The following SAXO1 variants were observed in gnomAD, a reference collection of about 807,000 sequenced individuals.
The protein encoded by SAXO1 is 4930500O09Rik.
In SAXO1, 21 loss-of-function variants were observed where a neutral mutation model predicts 17.5. The ratio of observed to expected loss-of-function variants is 1.20; its 90% CI spans 0.85 to 1.72. SAXO1 has a LOEUF of 1.72. SAXO1 is among the 40% of genes most tolerant of loss of function. The probability of loss-of-function intolerance (pLI) is 0.00; values close to 1 mark genes in which losing one functional copy is unlikely to be tolerated. For synonymous variants in SAXO1, 274 were observed against 216.5 expected (o/e 1.27, Z -2.33); for missense variants, 843 against 596.0 (o/e 1.41, Z -4.32).
chr9:18,931,811 T>C (rs1221984366), intron 3 of SAXO1, among the ~76,000 whole-genome samples: 1 of 152,244 alleles, frequency 6.6e-6, no homozygotes, highest in African/African-American at 2.4e-5. Context: ...CCGCTCTTCA[T>C]GTGCTTTCAT....
intron 1 of SAXO1, among the ~76,000 whole-genome samples, chr9:18,976,533 G>A (rs994160569): frequency 1.3e-5 from 2 of 152,192 alleles, no homozygotes; most frequent in African/African-American, 4.8e-5. Flanking sequence ...GATGCTGACT[G>A]TTTTTGAAAT....
intron 1 of SAXO1, among the ~76,000 whole-genome samples, chr9:18,984,706 GCTAAAACTTTCTCCATATCA>G (rs1288492461): frequency 1.4e-4 from 21 of 152,326 alleles, no homozygotes; most frequent in African/African-American, 4.6e-4. Context: ...TGTTGTGGCT[GCTAAAACTTTCTCCATATCA>G]CTAAAACTTT....
chr9:18,993,816 A>G (rs894824839), intron 1 of SAXO1, among the ~76,000 whole-genome samples: 6 of 152,170 alleles, frequency 3.9e-5, no homozygotes, highest in East Asian at 1.9e-4. Context: ...TATGCCATCA[A>G]TATCATCCCC....
chr9:19,006,196 GT>G (rs1588517599), intron 1 of SAXO1, among the ~76,000 whole-genome samples: 1 of 152,212 alleles, frequency 6.6e-6, no homozygotes, highest in East Asian at 1.9e-4. Flanking sequence ...CGTAGTCTCT[GT>G]GCAAAACAGT....
At chr9:19,043,596 G>A (rs752499068) in intron 1 of SAXO1, among the ~76,000 whole-genome samples, 1 of 151,946 alleles carries the variant, frequency 6.6e-6, no homozygotes, top group African/African-American at 2.4e-5. Context: ...GTGGGATCCT[G>A]TCTCTACAAA....
intron 1 of SAXO1, among the ~76,000 whole-genome samples, chr9:18,972,026 C>A (rs1259150903): frequency 1.3e-5 from 2 of 152,094 alleles, no homozygotes; most frequent in Non-Finnish European, 2.9e-5. Context: ...AAAAATTGTA[C>A]TTTTGGTTTA....
chr9:18,961,489 G>GC (rs1375076724), intron 1 of SAXO1, among the ~76,000 whole-genome samples: 6 of 148,238 alleles, frequency 4.0e-5, no homozygotes, highest in African/African-American at 1.5e-4. Context: ...CCCTCCCCTT[G>GC]CCCCCACCCC....
At chr9:18,932,869 T>C (rs986953374) in intron 3 of SAXO1, among the ~76,000 whole-genome samples, 1 of 152,074 alleles carries the variant, frequency 6.6e-6, no homozygotes, top group African/African-American at 2.4e-5. Flanking sequence ...TTTTTATATA[T>C]TGTTCAGTAC....
At chr9:18,975,252 TGCAGGCTGGGGAAGG>T (rs1833099674) in intron 1 of SAXO1, among the ~76,000 whole-genome samples, 4 of 150,090 alleles carry the variant, frequency 2.7e-5, no homozygotes, top group Non-Finnish European at 4.4e-5. Context: ...GCAGGGAGAG[TGCAGGCTGGGGAAGG>T]ATAAATGGTT....
chr9:18,951,072 T>C, intron 1 of SAXO1, 135 bp from the exon 2 acceptor site: 1 of 920,514 alleles, frequency 1.1e-6, no homozygotes, highest in Admixed American at 2.7e-5. Flanking sequence ...AATTCAACGG[T>C]TACTTTTTTC....
intron 1 of SAXO1, among the ~76,000 whole-genome samples, chr9:19,045,241 C>T (rs1176125128): frequency 4.5e-5 from 6 of 134,224 alleles, no homozygotes; most frequent in Middle Eastern, 4.3e-3. Context: ...ACCTGGGAAG[C>T]GGAGCTTGCA....
At chr9:19,045,084 G>A (rs1484804575) in intron 1 of SAXO1, among the ~76,000 whole-genome samples, 1 of 151,414 alleles carries the variant, frequency 6.6e-6, no homozygotes, top group Non-Finnish European at 1.5e-5. Flanking sequence ...GCCGAGGCGG[G>A]TGGATCATGA....
upstream of SAXO1, among the ~76,000 whole-genome samples, chr9:19,035,639 A>C (rs1835916566): frequency 6.6e-6 from 1 of 152,180 alleles, no homozygotes; most frequent in African/African-American, 2.4e-5. Flanking sequence ...CTTCCTAGAG[A>C]CTTGTTGAAT....
chr9:18,971,090 C>T (rs905559158), intron 1 of SAXO1, among the ~76,000 whole-genome samples: 5 of 152,180 alleles, frequency 3.3e-5, no homozygotes, highest in Admixed American at 6.5e-5. Context: ...CCCTCCTACC[C>T]AACCCATACC....
chr9:18,984,098 T>C (rs922591453), intron 1 of SAXO1, among the ~76,000 whole-genome samples: 16 of 152,210 alleles, frequency 1.1e-4, no homozygotes, highest in Admixed American at 1.0e-3. Flanking sequence ...TGAACAGTAA[T>C]ATTTTAAAGT....
chr9:18,974,080 A>G (rs1370264791), intron 1 of SAXO1, among the ~76,000 whole-genome samples: 1 of 152,222 alleles, frequency 6.6e-6, no homozygotes, highest in Non-Finnish European at 1.5e-5. Context: ...CTTATGGCCA[A>G]GGAAGCAGAC....
At chr9:19,047,807 T>C (rs1836258298) in intron 1 of SAXO1, among the ~76,000 whole-genome samples, 1 of 152,194 alleles carries the variant, frequency 6.6e-6, no homozygotes, top group African/African-American at 2.4e-5. Flanking sequence ...TCATACTTTT[T>C]ATCTGGAAAC....
intron 1 of SAXO1, among the ~76,000 whole-genome samples, chr9:18,994,084 A>C (rs1320469299): frequency 2.6e-5 from 4 of 152,232 alleles, no homozygotes; most frequent in Non-Finnish European, 5.9e-5. Context: ...AAAAAATATC[A>C]AGTCTGTTCA....
At chr9:18,934,119 C>T (rs1831185750) in intron 3 of SAXO1, among the ~76,000 whole-genome samples, 1 of 152,072 alleles carries the variant, frequency 6.6e-6, no homozygotes, top group Non-Finnish European at 1.5e-5. Flanking sequence ...TGCCTCCTTC[C>T]AAATCTTTGT....
Sources: allele counts gnomAD v4.1 joint callset (sites outside exome capture counted in the v4.1 genomes callset), GRCh38; gene constraint gnomAD v4.1.1; transcripts MANE v1.5; gene names NCBI Gene and HGNC (gene_info 2026-07-23, HGNC 2026-07-21).